Variants in PPIH observed in about 807,000 individuals in gnomAD.
PPIH encodes peptidylprolyl isomerase H.
Under a neutral mutation model 27.6 loss-of-function variants are expected in PPIH, and 16 were observed. The observed-to-expected ratio is 0.58, with a 90% CI of 0.39 to 0.88. The LOEUF (loss-of-function observed/expected upper bound fraction) is 0.88, where lower values mean the gene tolerates loss of function less well. Ranked by LOEUF, PPIH falls within the 40% of genes least tolerant of loss-of-function variation. PPIH has a pLI of 0.00. For synonymous variants in PPIH, 63 were observed against 76.1 expected (o/e 0.83, Z 0.90); for missense variants, 155 against 224.1 (o/e 0.69, Z 1.97).
intron 4 of PPIH, among the ~76,000 whole-genome samples, chr1:42,660,004 G>A (rs957769315): frequency 6.6e-6 from 1 of 152,130 alleles, no homozygotes; most frequent in Non-Finnish European, 1.5e-5. Flanking sequence ...GCCTCACTGT[G>A]GTTAGTAACA....
chr1:42,664,620 C>T (rs939028044), intron 5 of PPIH, among the ~76,000 whole-genome samples: 6 of 152,168 alleles, frequency 3.9e-5, no homozygotes, highest in African/African-American at 1.4e-4. Context: ...TTCTAGAGGC[C>T]CAGCTGTGAC....
chr1:42,670,625 A>G (rs1284406588), intron 9 of PPIH, among the ~76,000 whole-genome samples: 2 of 151,764 alleles, frequency 1.3e-5, no homozygotes, highest in African/African-American at 2.4e-5. Flanking sequence ...TCAGGTGGCC[A>G]TTGTACATTC....
At chr1:42,667,079 C>T (rs1649381444) in intron 8 of PPIH, among the ~76,000 whole-genome samples, 1 of 152,158 alleles carries the variant, frequency 6.6e-6, no homozygotes, top group African/African-American at 2.4e-5. Context: ...TGAATCCTTC[C>T]CTGACCTCTT....
chr1:42,659,037 G>A (rs1377648299), intron 2 of PPIH, 129 bp downstream of exon 2: 1 of 1,304,076 alleles, frequency 7.7e-7, no homozygotes, highest in Non-Finnish European at 1.1e-6. Flanking sequence ...TCCATGCATT[G>A]CTCTGTCTGG....
At chr1:42,672,495 C>T (rs1649690872) in intron 9 of PPIH, among the ~76,000 whole-genome samples, 1 of 152,110 alleles carries the variant, frequency 6.6e-6, no homozygotes, top group Non-Finnish European at 1.5e-5. Context: ...TGTGCCCAGG[C>T]ACTGGACATA....
chr1:42,662,435 G>T (rs569215484), intron 5 of PPIH, among the ~76,000 whole-genome samples: 1 of 152,172 alleles, frequency 6.6e-6, no homozygotes, highest in East Asian at 1.9e-4. Context: ...TGTAGTCCCA[G>T]GTACTTGGTA....
chr1:42,679,750 A>C (rs551603211), downstream of PPIH, among the ~76,000 whole-genome samples: 222 of 152,368 alleles, frequency 1.5e-3, 1 homozygote, highest in South Asian at 2.9e-3. Flanking sequence ...GCATGCTTTT[A>C]AATGTCCTCA....
chr1:42,659,300 C>T, intron 3 of PPIH, 49 bp downstream of exon 3: 2 of 1,614,146 alleles, frequency 1.2e-6, no homozygotes, highest in Non-Finnish European at 1.7e-6. Context: ...GAGGGGTGTT[C>T]TGGGGCTGCA....
At chr1:42,660,408 G>T (rs1387170251) in intron 4 of PPIH, among the ~76,000 whole-genome samples, 6 of 152,038 alleles carry the variant, frequency 3.9e-5, no homozygotes. Flanking sequence ...TTCAGGAAAA[G>T]AATAATCTTC....
chr1:42,658,499 G>T lies in PPIH; in HGVS notation c.53G>T (p.Ser18Ile), dbSNP rs756337968. The T allele has an allele frequency of 6.2e-7, 1 of 1,614,138 alleles. No individual in the cohort carries two copies. Among genetic ancestry groups the T allele is most frequent in the East Asian group, 2.2e-5 (1 of 44,882 alleles). The change falls in exon 1 of 10, where the codon AGT becomes ATT. Residue 18 changes from serine to isoleucine, a missense_variant. This residue lies in a region of PPIH where 59 missense variants were observed against 48.8 expected (regional missense o/e 1.21). Coordinates refer to ENST00000304979, the MANE Select transcript of PPIH (RefSeq NM_006347.4). ...AACCCCGTGGTGTTCTTTGATGTCA[G>T]TATTGGCGGTCAGGTGAGATCCAGG... is the stretch of plus-strand genomic sequence containing the variant. ...PVNPVVFFDV[S>I]IGGQEVGRMK... is the part of the protein sequence containing the mutation.
At chr1:42,673,387 A>C (rs1649739167) in intron 9 of PPIH, among the ~76,000 whole-genome samples, 1 of 152,228 alleles carries the variant, frequency 6.6e-6, no homozygotes, top group African/African-American at 2.4e-5. Context: ...TGCTACTTAC[A>C]TGGACATGGG....
chr1:42,670,071 A>G (rs1298133582), intron 9 of PPIH, among the ~76,000 whole-genome samples: 1 of 152,376 alleles, frequency 6.6e-6, no homozygotes, highest in Admixed American at 6.5e-5. Flanking sequence ...TGAGTTAAGT[A>G]GAGAGGGAGA....
downstream of PPIH, among the ~76,000 whole-genome samples, chr1:42,679,242 T>G (rs951532534): frequency 6.6e-6 from 1 of 152,190 alleles, no homozygotes; most frequent in African/African-American, 2.4e-5. Context: ...CAGGCTGGAG[T>G]GCAGTGGCAC....
At position 42,676,630 on chromosome 1, in the gene PPIH, T is replaced by G. The variant is rs563717785; in HGVS notation, c.*68T>G. 1.1e-4 allele frequency: 16 copies of G among 152,156 alleles called. No individual in the cohort carries two copies. The highest frequency in any genetic ancestry group is 3.9e-4 in the African/African-American group (16 of 41,464). The allele number at this position is 152,156 out of a possible 1,614,324, so 9.4% of individuals were successfully genotyped here. On this transcript the variant is annotated 3_prime_UTR_variant, in exon 10 of 10. Transcript: ENST00000304979. ...TGTTCTTGAGTAAGATAATCTGGAC[T>G]GGCCCCCGTCTTTGCTTCCCTGCCT...
chr1:42,673,016 A>G (rs1285935137), intron 9 of PPIH, among the ~76,000 whole-genome samples: 1 of 150,482 alleles, frequency 6.6e-6, no homozygotes, highest in Non-Finnish European at 1.5e-5. Context: ...TTTTTTTTAG[A>G]CAGGGTCTTA....
chr1:42,660,799 T>C (rs900905026), intron 4 of PPIH, 63 bp from the exon 5 acceptor site: 30 of 1,344,574 alleles, frequency 2.2e-5, no homozygotes, highest in Non-Finnish European at 2.8e-5. Context: ...AATACAATAA[T>C]AACAACATCT....
chr1:42,667,510 A>T, intron 9 of PPIH, 70 bp downstream of exon 9: 1 of 1,329,826 alleles, frequency 7.5e-7, no homozygotes, highest in Non-Finnish European at 1.1e-6. Context: ...TAGTGGAAAG[A>T]ACTTTAGTCT....
At chr1:42,666,616 T>C in intron 8 of PPIH, 29 bp downstream of exon 8, 1 of 1,609,194 alleles carries the variant, frequency 6.2e-7, no homozygotes, top group African/African-American at 1.3e-5. Context: ...TTTCTGTTTC[T>C]CTGCCATTGT....
intron 4 of PPIH, among the ~76,000 whole-genome samples, chr1:42,660,425 TTTTTG>T (rs1335454022): frequency 1.3e-5 from 2 of 152,250 alleles, no homozygotes; most frequent in South Asian, 2.1e-4. Flanking sequence ...CTTCAGGTTT[TTTTTG>T]TTTTGTTTTG....
Sources: gnomAD v4.1 joint callset for allele counts (sites outside exome capture counted in the v4.1 genomes callset) on GRCh38, gnomAD v4.1.1 for gene constraint, gnomAD v4.1.1 regional missense constraint, MANE v1.5 for transcripts, NCBI Gene and HGNC (gene_info 2026-07-23, HGNC 2026-07-21) for gene names.